The following TTLL5 variants were observed in gnomAD, a reference collection of about 807,000 sequenced individuals.
The protein encoded by TTLL5 is tubulin tyrosine ligase like 5, also known as tubulin polyglutamylase TTLL5.
A neutral mutation model predicts 168.4 loss-of-function variants in TTLL5; 132 were observed. That is an observed-to-expected ratio of 0.78 (90% CI 0.68 to 0.91). The LOEUF is 0.91. Ranked by LOEUF, TTLL5 falls within the 40% of genes least tolerant of loss-of-function variation. The probability of loss-of-function intolerance (pLI) is 0.00; values close to 1 mark genes in which losing one functional copy is unlikely to be tolerated. For missense variants in TTLL5, 1,545 were observed against 1,581.5 expected, an observed-to-expected ratio of 0.98 and a Z score of 0.39; for synonymous variants, 546 against 558.6, an observed-to-expected ratio of 0.98 and a Z score of 0.32.
intron 31 of TTLL5, among the ~76,000 whole-genome samples, chr14:75,910,730 G>T (rs1253414003): frequency 1.3e-5 from 2 of 152,220 alleles, no homozygotes; most frequent in African/African-American, 4.8e-5. Flanking sequence ...TAATAGCAGG[G>T]CTTGGAGAAT....
intron 24 of TTLL5, among the ~76,000 whole-genome samples, chr14:75,780,607 A>G (rs1566601225): frequency 6.6e-6 from 1 of 152,218 alleles, no homozygotes; most frequent in Non-Finnish European, 1.5e-5. Flanking sequence ...AGATTCAAAG[A>G]TGGAGACTTC....
At chr14:75,882,647 G>A (rs774365974) in intron 29 of TTLL5, 38 bp from the exon 30 acceptor site, 25 of 1,562,596 alleles carry the variant, frequency 1.6e-5, no homozygotes, top group Non-Finnish European at 2.1e-5. Context: ...TTGTGAAGGT[G>A]ATGTCCATCG....
chr14:75,927,170 T>G (rs2034101377), intron 31 of TTLL5, among the ~76,000 whole-genome samples: 1 of 152,222 alleles, frequency 6.6e-6, no homozygotes, highest in African/African-American at 2.4e-5. Flanking sequence ...GATGCTTTGA[T>G]ACAGGCATGC....
At chr14:75,818,886 CT>C (rs1318132823) in intron 27 of TTLL5, among the ~76,000 whole-genome samples, 1 of 152,126 alleles carries the variant, frequency 6.6e-6, no homozygotes, top group Non-Finnish European at 1.5e-5. Context: ...TTTAGATCTC[CT>C]TTTTCAGTAT....
intron 3 of TTLL5, among the ~76,000 whole-genome samples, chr14:75,670,543 A>G (rs1416513999): frequency 6.6e-6 from 1 of 152,212 alleles, no homozygotes; most frequent in Non-Finnish European, 1.5e-5. Context: ...TCAACAACGT[A>G]TAGGGGTTCC....
rs75825333 is a variant in TTLL5 at position 75,765,194 on chromosome 14, A to G, written c.1708+422A>G. 6.5e-3 allele frequency among the ~76,000 whole-genome samples: 987 copies of G among 152,292 alleles called. 10 individuals carry two copies. The highest frequency in any genetic ancestry group is 0.022 in the African/African-American group (918 of 41,550). ...TCTCTCCTAGCTTCTACAATGTTGT[A>G]GGTCTGTTTATAATTGACTGATATA... is the stretch of plus-strand genomic sequence containing the variant. On this transcript the variant is annotated intron_variant, in intron 19 of 31. Coordinates refer to ENST00000298832, the MANE Select transcript of TTLL5 (RefSeq NM_015072.5).
intron 31 of TTLL5, among the ~76,000 whole-genome samples, chr14:75,937,265 C>G (rs1393896458): frequency 1.3e-5 from 2 of 151,758 alleles, no homozygotes; most frequent in Non-Finnish European, 2.9e-5. Context: ...TACAGGCATG[C>G]ACCACCACGT....
At position 75,851,685 on chromosome 14, in the gene TTLL5, G is replaced by A. The variant is rs1202460173; in HGVS notation, c.3327-11982G>A. On this transcript the variant is annotated intron_variant, in intron 28 of 31. Transcript: ENST00000298832. Reference sequence around the variant, plus strand: ...CCACCGTGCAGCCGCTCTCTCTGGCGGGTGAGACTGGCAAATGGACTTTAC... The same window carrying A: ...CCACCGTGCAGCCGCTCTCTCTGGCAGGTGAGACTGGCAAATGGACTTTAC... Among the ~76,000 whole-genome samples, 4 of 152,180 alleles carry A rather than the reference G, an allele frequency of 2.6e-5. No homozygotes were observed. The East Asian group carries it at 7.7e-4, about 29-fold the overall frequency.
At position 75,882,861 on chromosome 14, in the gene TTLL5, C is replaced by A. The variant is rs185999044; in HGVS notation, c.3699C>A (p.His1233Gln). Residue 1233 changes from histidine (H) to glutamine (Q), a missense_variant, in exon 30 of 32, where the codon CAC (histidine) becomes CAA (glutamine). His to Gln is a conservative substitution (Grantham distance 24). Coordinates refer to ENST00000298832, the MANE Select transcript of TTLL5 (RefSeq NM_015072.5). ...ASLVPKPPPN[H>Q]EQVLRRATSQ... ...TGGTTCCCAAACCCCCACCCAACCA[C>A]GAACAAGTGCTCAGAAGGGCAACAT... is the stretch of plus-strand genomic sequence containing the variant. The A allele has an allele frequency of 1.9e-6, 3 of 1,614,112 alleles. No individual in the cohort carries two copies. The highest frequency in any genetic ancestry group is 2.5e-6 in the Non-Finnish European group (3 of 1,180,012).
intron 27 of TTLL5, among the ~76,000 whole-genome samples, chr14:75,796,863 G>A (rs8007518): frequency 0.02 from 2,977 of 152,216 alleles, 119 homozygotes; most frequent in African/African-American, 0.068. Context: ...GTAATGTGAT[G>A]CCTCTAGATT....
intron 27 of TTLL5, among the ~76,000 whole-genome samples, chr14:75,801,660 T>A (rs1160060664): frequency 2.0e-5 from 3 of 152,228 alleles, no homozygotes; most frequent in Non-Finnish European, 4.4e-5. Flanking sequence ...TTCAACCCTT[T>A]CCCTTCAGAG....
At chr14:75,818,718 C>T (rs933685327) in intron 27 of TTLL5, among the ~76,000 whole-genome samples, 5 of 146,636 alleles carry the variant, frequency 3.4e-5, no homozygotes, top group Non-Finnish European at 1.5e-5. Flanking sequence ...CCAGGCTGGT[C>T]TCGGTCTCCT....
intron 27 of TTLL5, chr14:75,814,684 T>G (rs1847071857): frequency 2.0e-5 from 3 of 152,202 alleles, no homozygotes; most frequent in African/African-American, 7.2e-5. Context: ...GACCAGAGGT[T>G]TTCTTACTTA....
intron 29 of TTLL5, among the ~76,000 whole-genome samples, chr14:75,871,046 C>T (rs963913422): frequency 1.3e-4 from 20 of 151,968 alleles, no homozygotes; most frequent in African/African-American, 4.8e-4. Context: ...TGCCCACCCT[C>T]GGCCTCCCAA....
intron 3 of TTLL5, among the ~76,000 whole-genome samples, chr14:75,679,311 G>T (rs1449572291): frequency 6.6e-6 from 1 of 152,180 alleles, no homozygotes; most frequent in Non-Finnish European, 1.5e-5. Context: ...TGCAACCATG[G>T]TTGACTTCAA....
chr14:75,928,340 A>AATATATATATATATATATAT (rs1227482803), intron 31 of TTLL5, among the ~76,000 whole-genome samples: 1 of 18,388 alleles, frequency 5.4e-5, no homozygotes, highest in African/African-American at 2.7e-4. Flanking sequence ...GAATGACAAA[A>AATATATATATATATATATAT]ACATATATAT....
chr14:75,791,741 GA>G (rs912644879), intron 26 of TTLL5, among the ~76,000 whole-genome samples: 1 of 152,040 alleles, frequency 6.6e-6, no homozygotes, highest in Non-Finnish European at 1.5e-5. Context: ...TAGTAAACGT[GA>G]AAAAGTTACA....
chr14:75,895,080 T>C (rs1007613919), intron 30 of TTLL5, among the ~76,000 whole-genome samples: 1 of 152,248 alleles, frequency 6.6e-6, no homozygotes, highest in East Asian at 1.9e-4. Context: ...TTTCATCTTT[T>C]TGGACCAGCA....
At chr14:75,847,857 G>C (rs1002088652) in intron 28 of TTLL5, among the ~76,000 whole-genome samples, 1 of 151,972 alleles carries the variant, frequency 6.6e-6, no homozygotes, top group African/African-American at 2.4e-5. Flanking sequence ...CTGGAGTGAG[G>C]CTCCATTATT....
Sources: gnomAD v4.1 joint callset for allele counts (sites outside exome capture counted in the v4.1 genomes callset) on GRCh38, gnomAD v4.1.1 for gene constraint, MANE v1.5 for transcripts, NCBI Gene and HGNC (gene_info 2026-07-23, HGNC 2026-07-21) for gene names.